The following MTUS1 variants were observed in gnomAD, a reference collection of about 807,000 sequenced individuals.
The protein encoded by MTUS1 is microtubule associated scaffold protein 1, also known as microtubule-associated tumor suppressor 1.
In MTUS1, 109 loss-of-function variants were observed where a neutral mutation model predicts 120.8. The ratio of observed to expected loss-of-function variants is 0.90; its 90% CI spans 0.77 to 1.06. MTUS1 has a LOEUF of 1.06. Ranked by LOEUF, MTUS1 falls within the 50% of genes least tolerant of loss-of-function variation. The probability of loss-of-function intolerance (pLI) is 0.00; values close to 1 mark genes in which losing one functional copy is unlikely to be tolerated. For missense variants in MTUS1, 2,210 were observed against 1,486.3 expected, an observed-to-expected ratio of 1.49 and a Z score of -8.01; for synonymous variants, 737 against 550.5, an observed-to-expected ratio of 1.34 and a Z score of -4.74.
At chr8:17,748,889 A>G (rs1257443299) in intron 2 of MTUS1, among the ~76,000 whole-genome samples, 1 of 152,184 alleles carries the variant, frequency 6.6e-6, no homozygotes, top group Non-Finnish European at 1.5e-5. Flanking sequence ...TGCACCCAAT[A>G]AATGTTTCTA....
At chr8:17,782,006 G>C (rs369813853) in intron 1 of MTUS1, among the ~76,000 whole-genome samples, 6 of 152,214 alleles carry the variant, frequency 3.9e-5, no homozygotes, top group African/African-American at 1.4e-4. Flanking sequence ...CCTCTAACCT[G>C]ATGGCCCTCG....
chr8:17,673,189 A>C (rs1298924060), intron 8 of MTUS1, among the ~76,000 whole-genome samples: 1 of 152,228 alleles, frequency 6.6e-6, no homozygotes, highest in Non-Finnish European at 1.5e-5. Context: ...GCTGCTGTCA[A>C]GTTAAGTAAC....
chr8:17,774,346 C>G (rs1431884974), intron 1 of MTUS1, among the ~76,000 whole-genome samples: 1 of 152,150 alleles, frequency 6.6e-6, no homozygotes, highest in African/African-American at 2.4e-5. Flanking sequence ...AAAGGTGTTG[C>G]TTTTCCTACT....
chr8:17,711,709 G>T (rs778765649), intron 6 of MTUS1, among the ~76,000 whole-genome samples: 2 of 152,204 alleles, frequency 1.3e-5, no homozygotes, highest in Non-Finnish European at 2.9e-5. Flanking sequence ...TGGCACAAGA[G>T]ACCTGGCTTC....
chr8:17,761,463 T>C (rs563342450), intron 1 of MTUS1, among the ~76,000 whole-genome samples: 4 of 152,328 alleles, frequency 2.6e-5, no homozygotes, highest in South Asian at 2.1e-4. Context: ...AGAAATCAAC[T>C]GCATGACGTG....
rs563700615 is a variant in MTUS1, at chr8:17,701,931, T to A, written c.2623+11283A>T. On this transcript the variant is annotated intron_variant, in intron 6 of 14. Transcript: ENST00000693296. ...TAAACTTAACATAAGCTTAATAAAC[T>A]TATTAAACTTAAAAATTTCACACTT... is the stretch of plus-strand genomic sequence containing the variant. 1.6e-3 allele frequency among the ~76,000 whole-genome samples: 251 copies of A among 152,234 alleles called. 2 individuals are homozygous for A. Among genetic ancestry groups the A allele is most frequent in the Admixed American group, 2.9e-3 (45 of 15,286 alleles).
At chr8:17,685,813 C>T (rs1309788993) in intron 6 of MTUS1, among the ~76,000 whole-genome samples, 1 of 152,144 alleles carries the variant, frequency 6.6e-6, no homozygotes, top group Non-Finnish European at 1.5e-5. Context: ...CCCACTGTGT[C>T]TCTGTAATAC....
intron 1 of MTUS1, among the ~76,000 whole-genome samples, chr8:17,780,674 G>A (rs1413317173): frequency 6.6e-6 from 1 of 152,156 alleles, no homozygotes; most frequent in African/African-American, 2.4e-5. Flanking sequence ...AGCCACCACT[G>A]TCTCTCTCTG....
At chr8:17,774,278 TA>T (rs1387616643) in intron 1 of MTUS1, among the ~76,000 whole-genome samples, 53 of 152,314 alleles carry the variant, frequency 3.5e-4, no homozygotes, top group African/African-American at 1.3e-3. Context: ...CACATCTGCA[TA>T]AACGCCAAAC....
In MTUS1 at chr8:17,699,023, C is replaced by G. The variant is rs558625526; in HGVS notation, c.2623+14191G>C. On this transcript the variant is annotated intron_variant, in intron 6 of 14. Coordinates refer to ENST00000693296, the MANE Select transcript of MTUS1 (RefSeq NM_001363059.2). ...ACTAAAAATATACCAGAACCTTTTC[C>G]TCTACCTCCCAAAACCTTGTAAAAA... Among the ~76,000 whole-genome samples, 14 of 152,246 alleles carry G rather than the reference C, an allele frequency of 9.2e-5. No homozygotes were observed. The East Asian group carries it at 2.3e-3, about 25-fold the overall frequency.
At position 17,754,231 on chromosome 8, in the gene MTUS1, G is replaced by C. The variant is rs1427512349; in HGVS notation, c.1577C>G (p.Ala526Gly). The change falls in exon 2 of 15, where the codon GCT becomes GGT. Residue 526 changes from alanine (A) to glycine (G), a missense_variant. Physicochemically the swap from Ala to Gly is moderately conservative, Grantham distance 60. Coordinates refer to ENST00000693296, the MANE Select transcript of MTUS1 (RefSeq NM_001363059.2). Reference sequence around the variant, plus strand: ...AGGTCTGGGCGTGACCTTTGATAAAGCAGCATCTTTGGGCTGCAACACTGC... The same window carrying C: ...AGGTCTGGGCGTGACCTTTGATAAACCAGCATCTTTGGGCTGCAACACTGC... ...SRAVLQPKDA[A>G]LSKVTPRPQQ... 1.9e-6 allele frequency: 3 copies of C among 1,614,052 alleles called. No individual in the cohort carries two copies. Among genetic ancestry groups the C allele is most frequent in the Non-Finnish European group, 2.5e-6 (3 of 1,180,006 alleles).
intron 6 of MTUS1, among the ~76,000 whole-genome samples, chr8:17,693,037 A>T (rs1289031592): frequency 6.6e-6 from 1 of 152,184 alleles, no homozygotes; most frequent in Non-Finnish European, 1.5e-5. Context: ...GGAGTCAAGA[A>T]GGAAATTAAC....
chr8:17,782,456 G>C (rs2050944546), intron 1 of MTUS1, among the ~76,000 whole-genome samples: 6 of 152,064 alleles, frequency 3.9e-5, no homozygotes, highest in Admixed American at 3.9e-4. Context: ...ATAATAACTT[G>C]AATTTTAAGA....
chr8:17,767,078 G>A (rs111582566), intron 1 of MTUS1, among the ~76,000 whole-genome samples: 5 of 150,686 alleles, frequency 3.3e-5, no homozygotes, highest in African/African-American at 7.3e-5. Context: ...AGAATGAATG[G>A]AAATCACTCC....
At chr8:17,681,009 C>A (rs1814363468) in intron 7 of MTUS1, among the ~76,000 whole-genome samples, 1 of 152,078 alleles carries the variant, frequency 6.6e-6, no homozygotes, top group Admixed American at 6.5e-5. Context: ...TCTTGGCTCA[C>A]TGCCACCTCC....
intron 6 of MTUS1, among the ~76,000 whole-genome samples, chr8:17,687,233 C>CTG (rs1021638789): frequency 3.8e-4 from 58 of 152,298 alleles, no homozygotes; most frequent in African/African-American, 1.4e-3. Flanking sequence ...GCTCCATATA[C>CTG]TGTGCTCCCT....
At position 17,660,660 on chromosome 8, in the gene MTUS1, C is replaced by G. The variant is rs1194254993; in HGVS notation, c.2906-4595G>C. Among the ~76,000 whole-genome samples, 9 of 152,314 alleles carry G rather than the reference C, an allele frequency of 5.9e-5. No homozygotes were observed. The East Asian group carries it at 1.7e-3, about 29-fold the overall frequency. ...CTACATTCCCATCAGCAGTACTACA[C>G]ACAAGGGTTCCAATTTCTCCACATG... On this transcript the variant is annotated intron_variant, in intron 8 of 14. Coordinates refer to ENST00000693296, the MANE Select transcript of MTUS1 (RefSeq NM_001363059.2).
At position 17,684,562 on chromosome 8, in the gene MTUS1, A is replaced by T. The variant is rs1162624002; in HGVS notation, c.2624-20T>A. On this transcript the variant is annotated intron_variant, in intron 6 of 14. Transcript: ENST00000693296. Reference sequence around the variant, plus strand: ...TTTCAACTGCAAAACGAATTAACATAGGTACAAAGATAGGTGAGGTTAATT... The same window carrying T: ...TTTCAACTGCAAAACGAATTAACATTGGTACAAAGATAGGTGAGGTTAATT... 6.3e-7 allele frequency: 1 copy of T among 1,590,496 alleles called. No individual in the cohort carries two copies. The highest frequency in any genetic ancestry group is 8.6e-7 in the Non-Finnish European group (1 of 1,161,270).
At chr8:17,699,114 C>T (rs531859591) in intron 6 of MTUS1, among the ~76,000 whole-genome samples, 2 of 152,302 alleles carry the variant, frequency 1.3e-5, no homozygotes, top group East Asian at 1.9e-4. Context: ...TGATTAAAAA[C>T]AGACATGCCA....
Sources: gnomAD v4.1 joint callset for allele counts (sites outside exome capture counted in the v4.1 genomes callset) on GRCh38, gnomAD v4.1.1 for gene constraint, MANE v1.5 for transcripts, NCBI Gene and HGNC (gene_info 2026-07-23, HGNC 2026-07-21) for gene names.